The following TCF20 variants were observed in gnomAD, a reference collection of about 807,000 sequenced individuals.
TCF20 encodes transcription factor 20, also known as SPRE-binding protein.
Under a neutral mutation model 148.6 loss-of-function variants are expected in TCF20, and 3 were observed. The observed-to-expected ratio is 0.02, with a 90% CI of 0.01 to 0.05. The LOEUF (loss-of-function observed/expected upper bound fraction) is 0.05, where lower values mean the gene tolerates loss of function less well. TCF20 is among the 10% of genes least tolerant of loss of function. The pLI is 1.00. For missense variants in TCF20, 2,350 were observed against 2,429.3 expected (o/e 0.97, Z 0.69); for synonymous variants, 1,049 against 909.5 (o/e 1.15, Z -2.76).
chr22:42,244,260 C>T (rs1471336808), intron 1 of TCF20, among the ~76,000 whole-genome samples: 2 of 152,140 alleles, frequency 1.3e-5, no homozygotes, highest in Non-Finnish European at 1.5e-5. Context: ...CAGAATTACA[C>T]GATCCAGCAA....
intron 1 of TCF20, among the ~76,000 whole-genome samples, chr22:42,337,511 C>T (rs991432686): frequency 3.3e-5 from 5 of 152,208 alleles, no homozygotes; most frequent in Non-Finnish European, 7.3e-5. Context: ...CACTGCTATT[C>T]CCTCTGCCTA....
Position 42,210,910 on chromosome 22 carries a change from A to G in TCF20, c.4396T>C (p.Ser1466Pro). Reference protein sequence around the residue: ...AGKEPPGAMTSTTSQKPGSNQ... With the variant: ...AGKEPPGAMTPTTSQKPGSNQ... ...CTACCAGGCTTCTGTGAGGTTGTGG[A>G]TGTCATGGCACCAGGGGGTTCCTTT... The change falls in exon 2 of 6, where the codon TCC (serine) becomes CCC (proline). Residue 1466 changes from serine to proline, a missense_variant. Transcript: ENST00000677622. This position sits in a 1 kb window ranked among gnomAD's most constrained non-coding sequence, Gnocchi z 4.7. The G allele has an allele frequency of 1.2e-6, 2 of 1,614,048 alleles. No individual in the cohort carries two copies. Among genetic ancestry groups the G allele is most frequent in the Non-Finnish European group, 1.7e-6 (2 of 1,180,010 alleles).
intron 1 of TCF20, among the ~76,000 whole-genome samples, chr22:42,216,258 T>C (rs1032014056): frequency 6.6e-6 from 1 of 151,968 alleles, no homozygotes; most frequent in Non-Finnish European, 1.5e-5. Flanking sequence ...TTCATTTCTC[T>C]GCTTTCATGT....
intron 1 of TCF20, among the ~76,000 whole-genome samples, chr22:42,253,505 A>G (rs1165140082): frequency 6.6e-6 from 1 of 152,246 alleles, no homozygotes; most frequent in African/African-American, 2.4e-5. Context: ...TTAGATGTCA[A>G]TTCCAATTCC....
At position 42,296,508 on chromosome 22, in the gene TCF20, G is replaced by A. The variant is rs910673410; in HGVS notation, c.-37+46971C>T. Reference sequence around the variant, plus strand: ...CAGCCCTGCCTGGAGTCTCCTGGCCGGGATCACAGCCCTGCGGCGTTCGAG... The same window carrying A: ...CAGCCCTGCCTGGAGTCTCCTGGCCAGGATCACAGCCCTGCGGCGTTCGAG... On this transcript the variant is annotated intron_variant, in intron 1 of 1. Transcript: ENST00000515426. Among the ~76,000 whole-genome samples, 11 of 152,350 alleles carry A rather than the reference G, an allele frequency of 7.2e-5. 1 individual carries two copies. In the South Asian group the frequency reaches 1.0e-3, roughly 14 times the overall value.
At chr22:42,220,101 T>C (rs1055002894) in intron 1 of TCF20, among the ~76,000 whole-genome samples, 3 of 152,222 alleles carry the variant, frequency 2.0e-5, no homozygotes, top group South Asian at 2.1e-4. Context: ...CCTTGCCCTC[T>C]TATAGAAAAC....
intron 1 of TCF20, among the ~76,000 whole-genome samples, chr22:42,340,924 C>G (rs1713156768): frequency 7.4e-6 from 1 of 135,894 alleles, no homozygotes; most frequent in Non-Finnish European, 1.6e-5. Flanking sequence ...CGGCTCCTTT[C>G]TGGTCAGGGA....
chr22:42,233,442 T>C (rs891654585), intron 1 of TCF20, among the ~76,000 whole-genome samples: 1 of 152,206 alleles, frequency 6.6e-6, no homozygotes, highest in Non-Finnish European at 1.5e-5. Context: ...GCAGGCACCT[T>C]CTGCACCTTT....
In TCF20 at chr22:42,225,637, A is replaced by T. The variant is rs555147368; in HGVS notation, c.-36-10296T>A. Among the ~76,000 whole-genome samples the T allele has an allele frequency of 1.8e-3, 277 of 151,886 alleles. 6 individuals are homozygous for T. The South Asian group carries it at 0.055, about 30-fold the overall frequency. ...CTCCGTCTCAAAAAAAAAAAAAAAA[A>T]AAAAATTACAACCCTTGAACTATCT... On this transcript the variant is annotated intron_variant, in intron 1 of 5. Transcript: ENST00000677622.
intron 1 of TCF20, chr22:42,276,939 C>T (rs1926793108): frequency 6.6e-6 from 1 of 152,122 alleles, no homozygotes; most frequent in African/African-American, 2.4e-5. Flanking sequence ...TTACAGTTAT[C>T]CAAAGCCGGT....
intron 1 of TCF20, among the ~76,000 whole-genome samples, chr22:42,291,835 C>A (rs1927138170): frequency 6.6e-6 from 1 of 151,928 alleles, no homozygotes; most frequent in Non-Finnish European, 1.5e-5. Flanking sequence ...CACACAAAGG[C>A]AGCCCAGCCT....
In TCF20 at chr22:42,240,713, C is replaced by T. The variant is rs111979167; in HGVS notation, c.-36-25372G>A. ...TAACTTATAACTCATAACTCAGTAA[C>T]GCGCTCCTCACCCCAGCGAACCTGT... On this transcript the variant is annotated intron_variant, in intron 1 of 5. Coordinates refer to ENST00000677622, the MANE Select transcript of TCF20 (RefSeq NM_001378418.1). Among the ~76,000 whole-genome samples the T allele has an allele frequency of 1.8e-4, 28 of 152,254 alleles. No homozygotes were observed. The East Asian group carries it at 4.4e-3, about 24-fold the overall frequency.
intron 1 of TCF20, among the ~76,000 whole-genome samples, chr22:42,236,565 A>C (rs138537406): frequency 1.3e-5 from 2 of 152,356 alleles, no homozygotes; most frequent in Non-Finnish European, 2.9e-5. Flanking sequence ...TCTAAAGTGC[A>C]AGAGTTTTCC....
intron 1 of TCF20, among the ~76,000 whole-genome samples, chr22:42,265,306 G>A (rs1264868114): frequency 1.3e-5 from 2 of 152,152 alleles, no homozygotes; most frequent in South Asian, 2.1e-4. Flanking sequence ...TCAGTATACT[G>A]TATTCTTTTT....
intron 2 of TCF20, among the ~76,000 whole-genome samples, chr22:42,203,420 C>T (rs1056798159): frequency 4.6e-5 from 7 of 152,108 alleles, no homozygotes; most frequent in African/African-American, 7.2e-5. Context: ...AGAAATAAAT[C>T]GTAGTAAAAT....
At chr22:42,222,233 A>G (rs749068094) in intron 1 of TCF20, among the ~76,000 whole-genome samples, 8 of 152,066 alleles carry the variant, frequency 5.3e-5, no homozygotes, top group Non-Finnish European at 1.0e-4. Flanking sequence ...TCCTCAACTG[A>G]CCCAACTGCC....
At chr22:42,230,801 G>T (rs888634553) in intron 1 of TCF20, among the ~76,000 whole-genome samples, 3 of 151,694 alleles carry the variant, frequency 2.0e-5, no homozygotes, top group Middle Eastern at 3.2e-3. Flanking sequence ...TTAGGCTAAT[G>T]CATGTGTTTG....
intron 1 of TCF20, among the ~76,000 whole-genome samples, chr22:42,265,459 C>T (rs1411734605): frequency 2.6e-5 from 4 of 152,164 alleles, no homozygotes; most frequent in Non-Finnish European, 5.9e-5. Context: ...CAGGCACCCA[C>T]GTCACATCTG....
intron 1 of TCF20, among the ~76,000 whole-genome samples, chr22:42,300,604 A>G (rs1332567458): frequency 6.6e-6 from 1 of 152,120 alleles, no homozygotes; most frequent in African/African-American, 2.4e-5. Context: ...CAGGACTCCC[A>G]TGCCTGAAGC....
Sources: gnomAD v4.1 joint callset for allele counts (sites outside exome capture counted in the v4.1 genomes callset) on GRCh38, gnomAD v4.1.1 for gene constraint, Gnocchi (gnomAD v3.1) non-coding constraint, MANE v1.5 for transcripts, NCBI Gene and HGNC (gene_info 2026-07-23, HGNC 2026-07-21) for gene names.